JAKMIP3: variants seen among roughly 807,000 people sequenced by gnomAD.
JAKMIP3 encodes the protein Janus kinase and microtubule interacting protein 3.
In JAKMIP3, 58 loss-of-function variants were observed where a neutral mutation model predicts 118.5. The observed-to-expected ratio is 0.49, with a 90% CI of 0.40 to 0.61. The LOEUF is 0.61. JAKMIP3 is among the 20% of genes least tolerant of loss of function. JAKMIP3 has a pLI of 0.00. For missense variants in JAKMIP3, 950 were observed against 1,109.0 expected (o/e 0.86, Z 2.04); for synonymous variants, 486 against 451.2 (o/e 1.08, Z -0.98).
At chr10:132,041,627 T>A (rs926257811) in intron 1 of JAKMIP3, among the ~76,000 whole-genome samples, 4 of 152,202 alleles carry the variant, frequency 2.6e-5, no homozygotes, top group African/African-American at 9.7e-5. Context: ...GCTGGTGGCA[T>A]CATTGAGCAC....
At chr10:132,134,490 C>G (rs2051313524) in intron 4 of JAKMIP3, among the ~76,000 whole-genome samples, 1 of 152,184 alleles carries the variant, frequency 6.6e-6, no homozygotes, top group South Asian at 2.1e-4. Flanking sequence ...AGTGAAGTCC[C>G]AGGGGTCCCA....
intron 1 of JAKMIP3, among the ~76,000 whole-genome samples, chr10:132,056,917 T>C (rs1397244001): frequency 6.6e-6 from 1 of 151,872 alleles, no homozygotes; most frequent in African/African-American, 2.4e-5. Flanking sequence ...CATCCAGGGG[T>C]CAGAGGTCCA....
chr10:132,042,786 G>GT (rs911295950), intron 1 of JAKMIP3, among the ~76,000 whole-genome samples: 8 of 152,266 alleles, frequency 5.3e-5, no homozygotes, highest in African/African-American at 1.7e-4. Flanking sequence ...AGAAAACCAG[G>GT]TGCTTGAAGA....
At chr10:132,099,671 G>A (rs1473354974) in intron 1 of JAKMIP3, among the ~76,000 whole-genome samples, 1 of 152,196 alleles carries the variant, frequency 6.6e-6, no homozygotes, top group Non-Finnish European at 1.5e-5. Context: ...AACTCAGCAT[G>A]TGTGTAAGAC....
chr10:132,146,149 C>T (rs1436031416), intron 13 of JAKMIP3, among the ~76,000 whole-genome samples: 1 of 143,698 alleles, frequency 7.0e-6, no homozygotes, highest in African/African-American at 2.5e-5. Flanking sequence ...CCACCCCCAC[C>T]CCCACCCTGG....
intron 1 of JAKMIP3, among the ~76,000 whole-genome samples, chr10:132,068,864 C>T (rs1396250039): frequency 6.6e-6 from 1 of 152,106 alleles, no homozygotes; most frequent in African/African-American, 2.4e-5. Flanking sequence ...ATGGGAAACC[C>T]TCTCCTTGGC....
chr10:132,107,919 C>T (rs538349741), intron 2 of JAKMIP3, among the ~76,000 whole-genome samples: 2 of 152,318 alleles, frequency 1.3e-5, no homozygotes, highest in East Asian at 1.9e-4. Flanking sequence ...TGCAGTTTGA[C>T]GGTGACGTCC....
In JAKMIP3 at chr10:132,153,840, T is replaced by C; in HGVS notation, c.2142+13T>C. 6.2e-7 allele frequency: 1 copy of C among 1,612,958 alleles called. No individual in the cohort carries two copies. The highest frequency in any genetic ancestry group is 2.2e-5 in the East Asian group (1 of 44,876). On this transcript the variant is annotated intron_variant, in intron 18 of 23. Coordinates refer to ENST00000684848, the MANE Select transcript of JAKMIP3 (RefSeq NM_001323087.2). ...GGAGAGCGAGAAGGTTGGTGGCACC[T>C]TCACCGAGGTTCTGCGGCTCGGTGC...
At chr10:132,135,820 T>C (rs2051650152) in intron 5 of JAKMIP3, 110 bp from the exon 6 acceptor site, 2 of 1,200,002 alleles carry the variant, frequency 1.7e-6, no homozygotes, top group Admixed American at 5.1e-5. Context: ...AGTAGAGGGC[T>C]GGGGACTGCG....
rs1565022619 is a variant in JAKMIP3 at position 132,180,784 on chromosome 10, C to CAT, written c.*1104-1573_*1104-1572insAT. 4.2e-4 allele frequency among the ~76,000 whole-genome samples: 23 copies of CAT among 54,826 alleles called. 4 individuals are homozygous for CAT. Among genetic ancestry groups the CAT allele is most frequent in the African/African-American group, 8.8e-4 (12 of 13,636 alleles). The allele number at this position is 54,826 out of a possible 152,430, so 36.0% of individuals were successfully genotyped here. ...GCGTGTGTGTGCGTGTGTGTGTGTG[C>CAT]GCGTATGCATGTGCTGTGAGTGGTG... On this transcript the variant is annotated intron_variant, in intron 23 of 23. Transcript: ENST00000684848.
chr10:132,048,168 G>A (rs1050992152), intron 1 of JAKMIP3, among the ~76,000 whole-genome samples: 1 of 152,228 alleles, frequency 6.6e-6, no homozygotes, highest in Non-Finnish European at 1.5e-5. Context: ...GCTGGACCAC[G>A]GGGCTGAGGT....
At position 132,067,038 on chromosome 10, in the gene JAKMIP3, C is replaced by T. The variant is rs78167723; in HGVS notation, c.-138+977C>T. 8.7e-3 allele frequency among the ~76,000 whole-genome samples: 1,326 copies of T among 152,202 alleles called. 15 individuals are homozygous for T. Among genetic ancestry groups the T allele is most frequent in the African/African-American group, 0.03 (1,251 of 41,530 alleles). On this transcript the variant is annotated intron_variant, in intron 1 of 23. Coordinates refer to ENST00000684848, the MANE Select transcript of JAKMIP3 (RefSeq NM_001323087.2). Reference sequence around the variant, plus strand: ...AGACTTGAGAGTCCTCTCAGTGGATCGGGCCTTTGAGCAGGTCCGTGGTAA... The same window carrying T: ...AGACTTGAGAGTCCTCTCAGTGGATTGGGCCTTTGAGCAGGTCCGTGGTAA...
rs1378560983 is a variant in JAKMIP3, at chr10:132,182,475, A to T, written c.*1222A>T. ...GTGGATGGAGCCTGACTGGCTGCAG[A>T]TGGAACTTCTGTGTCCTCCCACCCT... On this transcript the variant is annotated 3_prime_UTR_variant, in exon 24 of 24. Coordinates refer to ENST00000684848, the MANE Select transcript of JAKMIP3 (RefSeq NM_001323087.2). 2.0e-5 allele frequency: 3 copies of T among 152,192 alleles called. No individual in the cohort carries two copies. The highest frequency in any genetic ancestry group is 7.2e-5 in the African/African-American group (3 of 41,440). The allele number at this position is 152,192 out of a possible 1,614,324, so 9.4% of individuals were successfully genotyped here.
intron 3 of JAKMIP3, among the ~76,000 whole-genome samples, chr10:132,129,883 T>TA (rs2050246224): frequency 6.6e-6 from 1 of 151,386 alleles, no homozygotes; most frequent in African/African-American, 2.4e-5. Context: ...ACCTTTTTTT[T>TA]TTTTTTTTTC....
intron 23 of JAKMIP3, among the ~76,000 whole-genome samples, chr10:132,174,000 G>T (rs1277129599): frequency 6.6e-6 from 1 of 150,762 alleles, no homozygotes; most frequent in Non-Finnish European, 1.5e-5. Context: ...TGTGTCTGTG[G>T]TAGTGTGTGG....
At position 132,180,574 on chromosome 10, in the gene JAKMIP3, TGTGTGC is replaced by T. The variant is rs1300572602; in HGVS notation, c.*1104-1779_*1104-1774del. On this transcript the variant is annotated intron_variant, in intron 23 of 23. Coordinates refer to ENST00000684848, the MANE Select transcript of JAKMIP3 (RefSeq NM_001323087.2). ...GCGTGCATGCGTGTGTGTGCGTGTGTGTGTGCGTGCGCGTGTGTGTGTGCGTGCGCG... is the reference window on the plus strand; with the variant it reads ...GCGTGCATGCGTGTGTGTGCGTGTGTGTGCGCGTGTGTGTGTGCGTGCGCG... Among the ~76,000 whole-genome samples, 184 of 42,702 alleles carry T rather than the reference TGTGTGC, an allele frequency of 4.3e-3. 27 individuals are homozygous for T. Among genetic ancestry groups the T allele is most frequent in the East Asian group, 0.033 (6 of 184 alleles). The allele number at this position is 42,702 out of a possible 152,430, so 28.0% of individuals were successfully genotyped here. A position where few individuals can be genotyped will look rare whatever the true frequency, so the allele number is the denominator to read the frequency against.
intron 9 of JAKMIP3, among the ~76,000 whole-genome samples, chr10:132,139,330 GTT>G (rs1300018282): frequency 2.0e-5 from 3 of 151,516 alleles, no homozygotes; most frequent in East Asian, 1.9e-4. Context: ...ATGTGTGTGT[GTT>G]TGTATGTGTG....
upstream of JAKMIP3, among the ~76,000 whole-genome samples, chr10:132,064,823 C>T (rs759162896): frequency 3.3e-5 from 5 of 152,102 alleles, no homozygotes; most frequent in Non-Finnish European, 7.3e-5. This position sits in a 1 kb window ranked among gnomAD's most constrained non-coding sequence, Gnocchi z 4.4. Flanking sequence ...CCTGTGCCAT[C>T]CTCTGACATG....
chr10:132,062,459 C>T (rs778834402), upstream of JAKMIP3, among the ~76,000 whole-genome samples: 21 of 152,212 alleles, frequency 1.4e-4, no homozygotes, highest in Non-Finnish European at 4.4e-5. Context: ...CCGCCTAACT[C>T]CCCGTCAGCC....
Sources: gnomAD v4.1 joint callset for allele counts (sites outside exome capture counted in the v4.1 genomes callset) on GRCh38, gnomAD v4.1.1 for gene constraint, Gnocchi (gnomAD v3.1) non-coding constraint, MANE v1.5 for transcripts, NCBI Gene and HGNC (gene_info 2026-07-23, HGNC 2026-07-21) for gene names.